Variants in GNG2 observed in about 807,000 individuals in gnomAD.
GNG2 encodes G protein subunit gamma 2.
A neutral mutation model predicts 5.5 loss-of-function variants in GNG2; 5 were observed. That is an observed-to-expected ratio of 0.91 (90% confidence interval 0.48 to 1.92). GNG2 has a LOEUF of 1.92. Among genes scored for constraint, GNG2 ranks in the 30% most tolerant of loss-of-function variants. GNG2 has a pLI of 0.01. For missense variants in GNG2, 55 were observed against 88.4 expected (o/e 0.62, Z 1.52); for synonymous variants, 28 against 32.0 (o/e 0.88, Z 0.42).
intron 2 of GNG2, among the ~76,000 whole-genome samples, chr14:51,884,044 A>G (rs1427931297): frequency 6.6e-6 from 1 of 152,188 alleles, no homozygotes; most frequent in Non-Finnish European, 1.5e-5. Flanking sequence ...GCCTAGAGGT[A>G]ACCACTGTGG....
At chr14:51,909,991 T>C (rs1367370607) in intron 2 of GNG2, among the ~76,000 whole-genome samples, 1 of 152,198 alleles carries the variant, frequency 6.6e-6, no homozygotes, top group Non-Finnish European at 1.5e-5. Flanking sequence ...GATCCATTCA[T>C]TCATGGATTC....
chr14:51,961,476 G>A (rs1889611218), intron 3 of GNG2, among the ~76,000 whole-genome samples: 1 of 152,196 alleles, frequency 6.6e-6, no homozygotes, highest in African/African-American at 2.4e-5. Flanking sequence ...TAACACAGGT[G>A]TGGTTCCTGC....
chr14:51,916,676 C>G (rs756811759), intron 2 of GNG2, among the ~76,000 whole-genome samples: 15 of 152,122 alleles, frequency 9.9e-5, no homozygotes, highest in Non-Finnish European at 1.8e-4. Flanking sequence ...TGGAGCAGTG[C>G]CAGGCTGCTG....
chr14:51,930,581 C>G (rs967400221), intron 2 of GNG2, among the ~76,000 whole-genome samples: 1 of 152,168 alleles, frequency 6.6e-6, no homozygotes, highest in Admixed American at 6.5e-5. Context: ...AAGTGTCTCT[C>G]CAAAACAGAA....
intron 3 of GNG2, among the ~76,000 whole-genome samples, chr14:51,951,701 C>G (rs1367284146): frequency 6.6e-6 from 1 of 152,190 alleles, no homozygotes; most frequent in Admixed American, 6.5e-5. Flanking sequence ...CTGACAGGGT[C>G]AATAAAATTT....
chr14:51,940,722 C>A (rs7144109), intron 2 of GNG2, among the ~76,000 whole-genome samples: 7,002 of 152,192 alleles, frequency 0.046, 522 homozygotes, highest in African/African-American at 0.16. Context: ...GATTTAAAAT[C>A]TGCTTAGTGA....
At chr14:51,851,415 G>C (rs968301148) in intron 2 of GNG2, among the ~76,000 whole-genome samples, 2 of 152,166 alleles carry the variant, frequency 1.3e-5, no homozygotes, top group African/African-American at 4.8e-5. Context: ...CTTATACTAA[G>C]AGTACATACT....
chr14:51,866,587 C>G (rs1158664511), intron 1 of GNG2, among the ~76,000 whole-genome samples: 1 of 151,054 alleles, frequency 6.6e-6, no homozygotes, highest in East Asian at 1.9e-4. Flanking sequence ...TTTTTTTACA[C>G]TTCTATGGGC....
At chr14:51,849,757 T>C (rs1256609844) in intron 2 of GNG2, among the ~76,000 whole-genome samples, 1 of 152,170 alleles carries the variant, frequency 6.6e-6, no homozygotes, top group Admixed American at 6.5e-5. Context: ...TAAATATTTG[T>C]ATATTCAAAT....
At chr14:51,826,725 A>G (rs1881039582) in intron 1 of GNG2, among the ~76,000 whole-genome samples, 1 of 152,226 alleles carries the variant, frequency 6.6e-6, no homozygotes. Context: ...ATCACACTTG[A>G]TGGGACCAAC....
chr14:51,863,460 A>T (rs758993349), intron 1 of GNG2, among the ~76,000 whole-genome samples: 2 of 152,216 alleles, frequency 1.3e-5, no homozygotes, highest in Non-Finnish European at 2.9e-5. Flanking sequence ...CATAAGGAAA[A>T]GTTAGCATAT....
intron 2 of GNG2, among the ~76,000 whole-genome samples, chr14:51,886,740 CAAAT>C (rs1183953192): frequency 6.6e-6 from 1 of 152,124 alleles, no homozygotes; most frequent in East Asian, 1.9e-4. Flanking sequence ...CCCCAGGAAA[CAAAT>C]AACCTGAACT....
intron 2 of GNG2, among the ~76,000 whole-genome samples, chr14:51,895,806 G>T (rs566625685): frequency 1.3e-5 from 2 of 152,300 alleles, no homozygotes; most frequent in East Asian, 1.9e-4. Context: ...TTATGGGGCG[G>T]GTCTTTCCTG....
At chr14:51,885,188 T>C (rs1884364841) in intron 2 of GNG2, among the ~76,000 whole-genome samples, 1 of 152,310 alleles carries the variant, frequency 6.6e-6, no homozygotes, top group East Asian at 1.9e-4. Flanking sequence ...AGGCCTTAGT[T>C]TCCCCATCTG....
intron 2 of GNG2, among the ~76,000 whole-genome samples, chr14:51,891,773 A>G (rs1044334346): frequency 6.6e-6 from 1 of 152,222 alleles, no homozygotes; most frequent in Non-Finnish European, 1.5e-5. Context: ...ATCTAGCAAT[A>G]ATTAGTGTAT....
At chr14:51,914,055 A>T in intron 2 of GNG2, 3 of 572,834 alleles carry the variant, frequency 5.2e-6, no homozygotes, top group Non-Finnish European at 6.2e-6. Context: ...ACTGTATCCA[A>T]TATAAAGTTC....
chr14:51,902,385 G>C (rs749842186), intron 2 of GNG2, among the ~76,000 whole-genome samples: 1 of 152,206 alleles, frequency 6.6e-6, no homozygotes, highest in South Asian at 2.1e-4. Flanking sequence ...TTGTATAAAA[G>C]TAAAGACAGG....
chr14:51,939,702 C>G (rs1396370442), intron 2 of GNG2: 1 of 152,170 alleles, frequency 6.6e-6, no homozygotes, highest in African/African-American at 2.4e-5. Context: ...TTTCTTCCTT[C>G]TTGACCCCCA....
chr14:51,951,849 C>T, intron 3 of GNG2: 1 of 701,088 alleles, frequency 1.4e-6, no homozygotes, highest in Non-Finnish European at 2.6e-6. Context: ...ACCATATGGC[C>T]CACAAAGCTA....
Sources: gnomAD v4.1 joint callset for allele counts (sites outside exome capture counted in the v4.1 genomes callset) on GRCh38, gnomAD v4.1.1 for gene constraint, MANE v1.5 for transcripts, NCBI Gene and HGNC (gene_info 2026-07-23, HGNC 2026-07-21) for gene names.